CACNA1E: variants seen among roughly 807,000 people sequenced by gnomAD.
CACNA1E encodes the protein voltage-dependent R-type calcium channel subunit alpha-1E.
Under a neutral mutation model 259.2 loss-of-function variants are expected in CACNA1E, and 40 were observed. That is an observed-to-expected ratio of 0.15 (90% CI 0.12 to 0.20). CACNA1E has a LOEUF of 0.20. Among genes scored for constraint, CACNA1E ranks in the 10% least tolerant of loss-of-function variants. The pLI is 1.00. For missense variants in CACNA1E, 1,874 were observed against 3,040.1 expected (o/e 0.62, Z 9.02); for synonymous variants, 1,104 against 1,138.5 (o/e 0.97, Z 0.61).
chr1:181,503,539 A>G (rs1157350678), intron 1 of CACNA1E, among the ~76,000 whole-genome samples: 1 of 152,046 alleles, frequency 6.6e-6, no homozygotes, highest in Non-Finnish European at 1.5e-5. Flanking sequence ...CCTTTATTGG[A>G]GTTGGTCTCC....
chr1:181,588,728 G>A (rs1652338064), intron 6 of CACNA1E, among the ~76,000 whole-genome samples: 3 of 152,130 alleles, frequency 2.0e-5, no homozygotes, highest in Admixed American at 6.5e-5. Context: ...TCTAATATGC[G>A]GTTTAATTTC....
intron 6 of CACNA1E, among the ~76,000 whole-genome samples, chr1:181,598,716 A>G (rs928311095): frequency 2.0e-5 from 3 of 152,182 alleles, no homozygotes; most frequent in African/African-American, 7.2e-5. Flanking sequence ...CAGGGCTCAA[A>G]TGTGGGAATT....
At chr1:181,786,843 CA>C (rs1339919332) in intron 43 of CACNA1E, among the ~76,000 whole-genome samples, 1 of 152,192 alleles carries the variant, frequency 6.6e-6, no homozygotes, top group Non-Finnish European at 1.5e-5. Context: ...TTGCTCAGAT[CA>C]TTGATTTCTT....
At chr1:181,768,835 T>C (rs566171391) in intron 35 of CACNA1E, among the ~76,000 whole-genome samples, 52 of 152,298 alleles carry the variant, frequency 3.4e-4, no homozygotes, top group Non-Finnish European at 4.9e-4. Flanking sequence ...GAGAGACTGT[T>C]TCTAATATAG....
At chr1:181,436,842 C>A (rs1024143132) in intron 2 of CACNA1E, among the ~76,000 whole-genome samples, 3 of 151,918 alleles carry the variant, frequency 2.0e-5, no homozygotes. Context: ...TTCAAAATTG[C>A]GAAAACAGTA....
intron 7 of CACNA1E, among the ~76,000 whole-genome samples, chr1:181,688,526 A>G (rs545438729): frequency 6.6e-6 from 1 of 152,272 alleles, no homozygotes; most frequent in Non-Finnish European, 1.5e-5. Flanking sequence ...TATCCTTTTT[A>G]AGTTATAATT....
At chr1:181,679,537 G>A (rs1452462036) in intron 7 of CACNA1E, among the ~76,000 whole-genome samples, 2 of 152,224 alleles carry the variant, frequency 1.3e-5, no homozygotes, top group East Asian at 1.9e-4. Context: ...ACACGTGAAA[G>A]AGGGAAATGG....
intron 25 of CACNA1E, among the ~76,000 whole-genome samples, chr1:181,745,618 G>A (rs985852581): frequency 1.3e-5 from 2 of 152,046 alleles, no homozygotes; most frequent in African/African-American, 4.8e-5. Context: ...CTTCATAATG[G>A]GACTTGGGGA....
chr1:181,693,736 A>G (rs1455564634), intron 7 of CACNA1E, among the ~76,000 whole-genome samples: 3 of 152,184 alleles, frequency 2.0e-5, no homozygotes, highest in African/African-American at 7.2e-5. Context: ...ACACTTCAGC[A>G]TCACACAATA....
rs1425106498 is a variant in CACNA1E at position 181,579,058 on chromosome 1, GTCCT to G, written c.617-7_617-4del. The G allele has an allele frequency of 1.3e-6, 2 of 1,595,328 alleles. No homozygotes were observed. Among genetic ancestry groups the G allele is most frequent in the African/African-American group, 2.7e-5 (2 of 74,252 alleles). ...GGGACAGCTGCATTGGTCATTCTCT[GTCCT>G]TCCTTCTAGGCCTGCAGATTGTGTT... is the stretch of plus-strand genomic sequence containing the variant. On this transcript the variant is annotated splice_polypyrimidine_tract_variant and intron_variant, in intron 4 of 47. Transcript: ENST00000367573.
intron 1 of CACNA1E, among the ~76,000 whole-genome samples, chr1:181,386,743 A>G (rs1220296373): frequency 6.6e-6 from 1 of 152,194 alleles, no homozygotes; most frequent in East Asian, 1.9e-4. Flanking sequence ...TGCTCATCAT[A>G]TCCAGAATAC....
chr1:181,408,543 C>T (rs114277383), intron 1 of CACNA1E, among the ~76,000 whole-genome samples: 37 of 152,196 alleles, frequency 2.4e-4, no homozygotes, highest in African/African-American at 8.2e-4. Context: ...GCTATGAGCT[C>T]GAGTGTTTTT....
intron 7 of CACNA1E, among the ~76,000 whole-genome samples, chr1:181,706,157 A>C (rs1356468643): frequency 6.6e-6 from 1 of 152,134 alleles, no homozygotes; most frequent in Non-Finnish European, 1.5e-5. Context: ...TCCCCCTTTT[A>C]CATTTTCTAT....
In CACNA1E at chr1:181,758,322, C is replaced by G. The variant is rs987713677; in HGVS notation, c.4494+211C>G. Among the ~76,000 whole-genome samples, 2 of 152,272 alleles carry G rather than the reference C, an allele frequency of 1.3e-5. No individual in the cohort carries two copies. Among genetic ancestry groups the G allele is most frequent in the Non-Finnish European group, 2.9e-5 (2 of 68,000 alleles). The stretch of plus-strand genomic sequence containing the variant: ...ATGCAGTGCAGACTATAGTAGCCAT[C>G]CAGGGGCTCCCAAGACCTGAGATGG... On this transcript the variant is annotated intron_variant, in intron 31 of 47. Coordinates refer to ENST00000367573, the MANE Select transcript of CACNA1E (RefSeq NM_001205293.3). The surrounding 1 kb of genome is among the most constrained non-coding windows in gnomAD (Gnocchi z 4.2).
In CACNA1E at chr1:181,776,811, G is replaced by T. The variant is rs528676957; in HGVS notation, c.5267+583G>T. ...TCTTTACTGTCTCTTTTGCTGTTTA[G>T]TAGTTCTGAAGTGATAGCGTGCCTT... On this transcript the variant is annotated intron_variant, in intron 38 of 47. Transcript: ENST00000367573. The surrounding 1 kb of genome is among the most constrained non-coding windows in gnomAD (Gnocchi z 4.4). Among the ~76,000 whole-genome samples the T allele has an allele frequency of 2.6e-5, 4 of 152,222 alleles. No individual in the cohort carries two copies. The highest frequency in any genetic ancestry group is 5.9e-5 in the Non-Finnish European group (4 of 68,046).
chr1:181,530,823 G>A (rs750031419), intron 3 of CACNA1E, among the ~76,000 whole-genome samples: 6 of 152,156 alleles, frequency 3.9e-5, no homozygotes, highest in Non-Finnish European at 8.8e-5. Flanking sequence ...ATTTGATGGT[G>A]TTCCCAGGAG....
At chr1:181,765,196 C>T (rs1191586562) in intron 34 of CACNA1E, among the ~76,000 whole-genome samples, 1 of 152,210 alleles carries the variant, frequency 6.6e-6, no homozygotes, top group Non-Finnish European at 1.5e-5. Context: ...CCTCTGACCC[C>T]TACTCTAGAG....
chr1:181,790,307 T>TTTTTA (rs34600959), intron 43 of CACNA1E, 138 bp from the exon 44 acceptor site: 17 of 437,268 alleles, frequency 3.9e-5, no homozygotes, highest in South Asian at 2.8e-4. Context: ...TTTTTTTTTT[T>TTTTTA]AATTTCAGGA....
chr1:181,759,624 C>A (rs1572822660), intron 32 of CACNA1E, among the ~76,000 whole-genome samples: 1 of 152,196 alleles, frequency 6.6e-6, no homozygotes, highest in South Asian at 2.1e-4. Context: ...ACAAGATAAT[C>A]CCCTTGGCCA....
Sources: gnomAD v4.1 joint callset for allele counts (sites outside exome capture counted in the v4.1 genomes callset) on GRCh38, gnomAD v4.1.1 for gene constraint, Gnocchi (gnomAD v3.1) non-coding constraint, MANE v1.5 for transcripts, NCBI Gene and HGNC (gene_info 2026-07-23, HGNC 2026-07-21) for gene names.